Variants in PDE10A observed in about 807,000 individuals in gnomAD.
PDE10A encodes cAMP and cAMP-inhibited cGMP 3',5'-cyclic phosphodiesterase 10A.
PDE10A carries 39 observed loss-of-function variants against 97.7 expected under a neutral mutation model. The ratio of observed to expected loss-of-function variants is 0.40; its 90% confidence interval spans 0.31 to 0.52. PDE10A has a LOEUF of 0.52. Ranked by LOEUF, PDE10A falls within the 20% of genes least tolerant of loss-of-function variation. The pLI, the probability that PDE10A is intolerant of heterozygous loss-of-function variation, is 0.56. For synonymous variants in PDE10A, 371 were observed against 376.8 expected, an observed-to-expected ratio of 0.98 and a Z score of 0.18; for missense variants, 731 against 1,047.8, an observed-to-expected ratio of 0.70 and a Z score of 4.17.
At chr6:165,566,265 A>G (rs1784774867) in intron 1 of PDE10A, among the ~76,000 whole-genome samples, 1 of 152,234 alleles carries the variant, frequency 6.6e-6, no homozygotes, top group Non-Finnish European at 1.5e-5. Flanking sequence ...TTAAAAGTCC[A>G]AAACATTAAC....
At chr6:165,928,834 C>A (rs894160917) in intron 1 of PDE10A, among the ~76,000 whole-genome samples, 2 of 152,202 alleles carry the variant, frequency 1.3e-5, no homozygotes, top group Non-Finnish European at 2.9e-5. Context: ...TCAGCCCCGA[C>A]TCCACTGTGT....
Position 165,662,662 on chromosome 6 carries a change from G to C in PDE10A, c.150C>G (p.Ala50=), listed in dbSNP as rs1406101191. 1 of 140,856 alleles carries C rather than the reference G, an allele frequency of 7.1e-6. No individual in the cohort carries two copies. The highest frequency in any genetic ancestry group is 1.6e-5 in the Non-Finnish European group (1 of 63,668). The allele number at this position is 140,856 out of a possible 1,614,324, so 8.7% of individuals were successfully genotyped here. A position where few individuals can be genotyped will look rare whatever the true frequency, so the allele number is the denominator to read the frequency against. Reference sequence around the variant, plus strand: ...CCCGGCCACGGCCAGGCCACTCGGGGGCCGGGCCCGGGCCCGCCGCGCTCC... The same window carrying C: ...CCCGGCCACGGCCAGGCCACTCGGGCGCCGGGCCCGGGCCCGCCGCGCTCC... The part of the protein sequence containing the change: ...GGGSAAGPGP[A]PEWPGRGRAE... The change falls in exon 1 of 22, where the codon GCC becomes GCG. Residue 50 remains alanine, a synonymous_variant. Coordinates refer to ENST00000539869, the MANE Select transcript of PDE10A (RefSeq NM_001385079.1).
chr6:165,589,960 A>C (rs2128383517), intron 1 of PDE10A, among the ~76,000 whole-genome samples: 1 of 152,362 alleles, frequency 6.6e-6, no homozygotes, highest in Non-Finnish European at 1.5e-5. Flanking sequence ...AGACTTCAAA[A>C]GGCAAACTGT....
At chr6:165,612,768 G>A (rs905532169) in intron 1 of PDE10A, among the ~76,000 whole-genome samples, 1 of 152,042 alleles carries the variant, frequency 6.6e-6, no homozygotes, top group African/African-American at 2.4e-5. Flanking sequence ...AGACTGTCTC[G>A]CCTCACCACA....
chr6:165,868,551 G>T (rs1781117013), intron 1 of PDE10A, among the ~76,000 whole-genome samples: 2 of 151,636 alleles, frequency 1.3e-5, no homozygotes, highest in Non-Finnish European at 2.9e-5. Context: ...CCCAGGTCCA[G>T]ATGGTTTTCC....
At chr6:165,851,940 A>C (rs1310301663) in intron 1 of PDE10A, among the ~76,000 whole-genome samples, 1 of 152,228 alleles carries the variant, frequency 6.6e-6, no homozygotes, top group Non-Finnish European at 1.5e-5. Flanking sequence ...AATTAAAGCT[A>C]TATGTATAGA....
chr6:165,557,548 AATC>A (rs1784316664), intron 1 of PDE10A, among the ~76,000 whole-genome samples: 1 of 152,206 alleles, frequency 6.6e-6, no homozygotes, highest in African/African-American at 2.4e-5. Flanking sequence ...GTTTTTTAAA[AATC>A]ATGATATTCA....
In PDE10A at chr6:165,923,648, C is replaced by T. The variant is rs950790477; in HGVS notation, c.-615+63881G>A. On this transcript the variant is annotated intron_variant, in intron 1 of 19. Transcript: ENST00000366882. ...CTGGCAGCCTTCTTAACAAGAGGAC[C>T]CATTGCTGGTTAGGATGCTTTTACA... is the stretch of plus-strand genomic sequence containing the variant. Among the ~76,000 whole-genome samples, 9 of 152,238 alleles carry T rather than the reference C, an allele frequency of 5.9e-5. 3 individuals carry two copies. The highest frequency in any genetic ancestry group is 5.9e-4 in the Admixed American group (9 of 15,286).
chr6:165,854,109 C>A (rs1780646669), intron 1 of PDE10A, among the ~76,000 whole-genome samples: 1 of 152,172 alleles, frequency 6.6e-6, no homozygotes, highest in South Asian at 2.1e-4. Context: ...AGGGGGAAGC[C>A]CGTGGGCGGT....
chr6:165,346,546 G>C (rs1428669336), intron 18 of PDE10A, among the ~76,000 whole-genome samples: 1 of 152,158 alleles, frequency 6.6e-6, no homozygotes, highest in Non-Finnish European at 1.5e-5. Context: ...TCCGCAGCGT[G>C]CATGTTTGCC....
At chr6:165,372,916 A>G (rs1238621638) in intron 18 of PDE10A, among the ~76,000 whole-genome samples, 14 of 152,052 alleles carry the variant, frequency 9.2e-5, no homozygotes, top group Admixed American at 7.9e-4. Flanking sequence ...GCCCTCAGAA[A>G]TAACGCTGCA....
chr6:165,981,848 TG>T (rs78609838), intron 1 of PDE10A, among the ~76,000 whole-genome samples: 10,781 of 152,276 alleles, frequency 0.071, 470 homozygotes, highest in South Asian at 0.13. Context: ...GAGATATTTT[TG>T]TAAGCTATTT....
At chr6:165,762,490 A>AAG (rs1793275142) in intron 1 of PDE10A, among the ~76,000 whole-genome samples, 1 of 146,884 alleles carries the variant, frequency 6.8e-6, no homozygotes, top group African/African-American at 2.5e-5. Flanking sequence ...AGGAATATTA[A>AAG]AAAAAAAAAA....
intron 1 of PDE10A, among the ~76,000 whole-genome samples, chr6:165,569,043 G>A (rs1362479225): frequency 1.3e-5 from 2 of 152,148 alleles, no homozygotes; most frequent in Non-Finnish European, 2.9e-5. Context: ...ACAGACAACA[G>A]TACAAATGTA....
intron 1 of PDE10A, among the ~76,000 whole-genome samples, chr6:165,849,057 G>A (rs115019246): frequency 1.2e-3 from 178 of 152,250 alleles, no homozygotes; most frequent in African/African-American, 4.0e-3. Flanking sequence ...GCCACACTTC[G>A]ACCAATGCAC....
intron 3 of PDE10A, among the ~76,000 whole-genome samples, chr6:165,469,888 C>T (rs1433827265): frequency 1.3e-5 from 2 of 152,122 alleles, no homozygotes; most frequent in Admixed American, 6.6e-5. Context: ...ACCACTTAGC[C>T]AAAGCCTGGC....
At chr6:165,336,754 T>G (rs1241897085) in intron 20 of PDE10A, among the ~76,000 whole-genome samples, 2 of 61,794 alleles carry the variant, frequency 3.2e-5, no homozygotes, top group Non-Finnish European at 5.5e-5. Context: ...AGACTCCGTC[T>G]CAAAAAAAAA....
chr6:165,753,116 G>C (rs1032527916), intron 1 of PDE10A, among the ~76,000 whole-genome samples: 2 of 152,198 alleles, frequency 1.3e-5, no homozygotes, highest in African/African-American at 4.8e-5. Context: ...TAGCACGTGA[G>C]GGAAATGTTA....
chr6:165,689,881 G>A (rs1199170233), intron 1 of PDE10A, among the ~76,000 whole-genome samples: 1 of 152,158 alleles, frequency 6.6e-6, no homozygotes, highest in Non-Finnish European at 1.5e-5. Context: ...ATACCCTGAT[G>A]CAATGTCCAG....
Sources: allele counts gnomAD v4.1 joint callset (sites outside exome capture counted in the v4.1 genomes callset), GRCh38; gene constraint gnomAD v4.1.1; transcripts MANE v1.5; gene names NCBI Gene and HGNC (gene_info 2026-07-23, HGNC 2026-07-21).